Variants in ANXA13 observed in about 807,000 individuals in gnomAD.
ANXA13 encodes annexin A13.
Under a neutral mutation model 46.6 loss-of-function variants are expected in ANXA13, and 36 were observed. That is an observed-to-expected ratio of 0.77 (90% CI 0.59 to 1.02). The LOEUF is 1.02. Among genes scored for constraint, ANXA13 ranks in the 50% least tolerant of loss-of-function variants. ANXA13 has a pLI of 0.00. For synonymous variants in ANXA13, 163 were observed against 152.9 expected, an observed-to-expected ratio of 1.07 and a Z score of -0.49; for missense variants, 417 against 396.5, an observed-to-expected ratio of 1.05 and a Z score of -0.44.
At chr8:123,706,245 T>A (rs984936302) in intron 2 of ANXA13, among the ~76,000 whole-genome samples, 35 of 151,890 alleles carry the variant, frequency 2.3e-4, no homozygotes, top group Admixed American at 5.2e-4. Context: ...TTATGATTTT[T>A]AAAAAAAAAC....
At chr8:123,720,127 G>T (rs1813833773) in intron 1 of ANXA13, among the ~76,000 whole-genome samples, 1 of 152,180 alleles carries the variant, frequency 6.6e-6, no homozygotes, top group South Asian at 2.1e-4. Flanking sequence ...GCTGCACTCT[G>T]CTCAGTAAAC....
intron 1 of ANXA13, chr8:123,736,007 G>T: frequency 1.1e-6 from 1 of 944,058 alleles, no homozygotes; most frequent in South Asian, 3.4e-5. Flanking sequence ...TTATTCCTGG[G>T]GTCCTCTGCA....
chr8:123,708,197 A>G (rs1813580846), intron 2 of ANXA13, among the ~76,000 whole-genome samples: 2 of 152,364 alleles, frequency 1.3e-5, no homozygotes, highest in South Asian at 2.1e-4. Flanking sequence ...TTTAAAAATG[A>G]GAAAAGAAGG....
At chr8:123,688,740 T>G in intron 9 of ANXA13, 131 bp downstream of exon 9, 5 of 760,530 alleles carry the variant, frequency 6.6e-6, no homozygotes, top group Non-Finnish European at 1.1e-5. Context: ...ACTCTCTCTC[T>G]TGCTCAGTGC....
chr8:123,688,621 T>C (rs896927737), intron 9 of ANXA13, among the ~76,000 whole-genome samples: 5 of 152,164 alleles, frequency 3.3e-5, no homozygotes, highest in African/African-American at 1.2e-4. Flanking sequence ...GTTACATGAC[T>C]GTTTGATGTG....
Position 123,704,111 on chromosome 8 carries a change from C to T in ANXA13, c.92-1375G>A, listed in dbSNP as rs559170057. Among the ~76,000 whole-genome samples the T allele has an allele frequency of 2.6e-4, 39 of 152,244 alleles. 1 individual carries two copies. The highest frequency in any genetic ancestry group is 3.4e-3 in the Middle Eastern group (1 of 294). The stretch of plus-strand genomic sequence containing the variant: ...GTCCAGTCCGCGGTGGTCCTAAGCA[C>T]GCACGTGGGAAACCCGGGACACCAG... On this transcript the variant is annotated intron_variant, in intron 2 of 10. Coordinates refer to ENST00000419625, the MANE Select transcript of ANXA13 (RefSeq NM_004306.4).
intron 1 of ANXA13, 128 bp from the exon 2 acceptor site, chr8:123,712,881 C>T (rs1813686850): frequency 2.6e-6 from 2 of 780,944 alleles, no homozygotes; most frequent in Non-Finnish European, 2.2e-6. Flanking sequence ...ACTTCACACA[C>T]TGGTACATGC....
At chr8:123,684,345 C>T (rs977456051) in intron 10 of ANXA13, among the ~76,000 whole-genome samples, 4 of 152,216 alleles carry the variant, frequency 2.6e-5, no homozygotes, top group South Asian at 4.1e-4. Flanking sequence ...GAGAACTGCT[C>T]GACATGGTTG....
chr8:123,696,086 G>A (rs573818982), intron 4 of ANXA13, among the ~76,000 whole-genome samples: 131 of 152,076 alleles, frequency 8.6e-4, no homozygotes, highest in African/African-American at 2.4e-3. Context: ...AGTTCAGTGC[G>A]TATCAGAAAG....
chr8:123,689,283 A>T (rs889542453), intron 8 of ANXA13, among the ~76,000 whole-genome samples: 1 of 148,328 alleles, frequency 6.7e-6, no homozygotes, highest in Non-Finnish European at 1.5e-5. Context: ...TATATTATAT[A>T]TACTATAATC....
intron 2 of ANXA13, among the ~76,000 whole-genome samples, chr8:123,707,699 G>T (rs996162483): frequency 6.6e-6 from 1 of 152,026 alleles, no homozygotes; most frequent in Non-Finnish European, 1.5e-5. Context: ...CTGTCAGGGG[G>T]TCAGGGGCAA....
intron 2 of ANXA13, among the ~76,000 whole-genome samples, chr8:123,704,829 TA>T (rs1475389501): frequency 1.3e-5 from 2 of 152,218 alleles, no homozygotes; most frequent in African/African-American, 4.8e-5. Flanking sequence ...ACTGGCCTTT[TA>T]AACTCGATTT....
intron 2 of ANXA13, among the ~76,000 whole-genome samples, chr8:123,707,626 A>G (rs929775027): frequency 2.0e-5 from 3 of 152,190 alleles, no homozygotes; most frequent in African/African-American, 4.8e-5. Flanking sequence ...GTTCTCACTC[A>G]TAAGTGAGAG....
rs1271206298 is a variant in ANXA13, at chr8:123,727,390, G to A, written c.15+9930C>T. On this transcript the variant is annotated intron_variant, in intron 1 of 10. Transcript: ENST00000419625. ...ATGCCTGGGCCAGAAGGGCAGGAAT[G>A]GTGATTTCTGGTGGAGATCCAGTGA... Among the ~76,000 whole-genome samples, 3 of 152,094 alleles carry A rather than the reference G, an allele frequency of 2.0e-5. No individual in the cohort carries two copies. In the East Asian group the frequency reaches 5.8e-4, roughly 29 times the overall value.
Position 123,684,630 on chromosome 8 carries a change from T to G in ANXA13, c.811A>C (p.Ile271Leu). The change falls in exon 10 of 11, where the codon ATA becomes CTA. Residue 271 changes from isoleucine to leucine, a missense_variant. Physicochemically the swap from Ile to Leu is conservative, Grantham distance 5. Coordinates refer to ENST00000419625, the MANE Select transcript of ANXA13 (RefSeq NM_004306.4). Reference protein sequence around the residue: ...AGTDEETLIRIVVTRAEVDLQ... With the variant: ...AGTDEETLIRLVVTRAEVDLQ... ...CTTACCTCGGCCCTGGTCACGACTATGCGAATCAACGTCTCCTCATCGGTC... is the reference window on the plus strand; with the variant it reads ...CTTACCTCGGCCCTGGTCACGACTAGGCGAATCAACGTCTCCTCATCGGTC... The G allele has an allele frequency of 6.2e-7, 1 of 1,614,006 alleles. No individual in the cohort carries two copies. The highest frequency in any genetic ancestry group is 8.5e-7 in the Non-Finnish European group (1 of 1,179,872).
intron 2 of ANXA13, chr8:123,712,411 C>A: frequency 2.0e-6 from 1 of 503,898 alleles, no homozygotes; most frequent in Non-Finnish European, 3.6e-6. Context: ...ATGAACTGCA[C>A]TTCTCATGAA....
intron 7 of ANXA13, 87 bp downstream of exon 7, chr8:123,693,624 T>G: frequency 8.4e-7 from 1 of 1,190,852 alleles, no homozygotes; most frequent in South Asian, 1.3e-5. Flanking sequence ...AAGTAACTCC[T>G]CTTTGCATGA....
intron 1 of ANXA13, among the ~76,000 whole-genome samples, chr8:123,722,960 G>GT (rs1813913077): frequency 6.6e-6 from 1 of 152,200 alleles, no homozygotes; most frequent in Non-Finnish European, 1.5e-5. Context: ...TACAGTGTAC[G>GT]AGGGGGCTGA....
chr8:123,712,865 G>T, intron 1 of ANXA13, 112 bp from the exon 2 acceptor site: 1 of 891,202 alleles, frequency 1.1e-6, no homozygotes, highest in Non-Finnish European at 1.8e-6. Context: ...CCAGGGACCA[G>T]CTGTCACTTC....
Sources: gnomAD v4.1 joint callset for allele counts (sites outside exome capture counted in the v4.1 genomes callset) on GRCh38, gnomAD v4.1.1 for gene constraint, MANE v1.5 for transcripts, NCBI Gene and HGNC (gene_info 2026-07-23, HGNC 2026-07-21) for gene names.